MECOM: variants seen among roughly 807,000 people sequenced by gnomAD.
MECOM encodes MDS1 and EVI1 complex locus.
A neutral mutation model predicts 116.3 loss-of-function variants in MECOM; 13 were observed. The observed-to-expected ratio is 0.11, with a 90% CI of 0.07 to 0.18. The LOEUF is 0.18. Ranked by LOEUF, MECOM falls within the 10% of genes least tolerant of loss-of-function variation. MECOM has a pLI of 1.00. For missense variants in MECOM, 1,299 were observed against 1,509.0 expected, an observed-to-expected ratio of 0.86 and a Z score of 2.31; for synonymous variants, 528 against 535.2, an observed-to-expected ratio of 0.99 and a Z score of 0.19.
intron 1 of MECOM, among the ~76,000 whole-genome samples, chr3:169,597,116 T>C (rs568525297): frequency 6.6e-6 from 1 of 152,232 alleles, no homozygotes; most frequent in African/African-American, 2.4e-5. Flanking sequence ...CTCAATCTTA[T>C]CAAAGTGTAA....
intron 1 of MECOM, among the ~76,000 whole-genome samples, chr3:169,472,622 GA>G (rs1749667712): frequency 3.0e-5 from 2 of 65,896 alleles, no homozygotes; most frequent in African/African-American, 9.9e-5. Flanking sequence ...GGAAAGAAAA[GA>G]AAAGAAAAGA....
At chr3:169,467,008 T>C (rs1413014826) in intron 1 of MECOM, 3 of 152,240 alleles carry the variant, frequency 2.0e-5, no homozygotes, top group Non-Finnish European at 4.4e-5. Context: ...TAATCGTTAA[T>C]TGAGTTTCTT....
intron 2 of MECOM, among the ~76,000 whole-genome samples, chr3:169,297,790 A>T (rs1336111361): frequency 6.6e-6 from 1 of 152,236 alleles, no homozygotes; most frequent in Admixed American, 6.5e-5. Context: ...ATTCTTCCTC[A>T]TGGCAAATGT....
At chr3:169,261,519 T>A (rs893646431) in intron 2 of MECOM, among the ~76,000 whole-genome samples, 1 of 151,976 alleles carries the variant, frequency 6.6e-6, no homozygotes, top group Non-Finnish European at 1.5e-5. Flanking sequence ...GCCAACATGG[T>A]GAAACCCCGT....
At chr3:169,097,941 G>A (rs757011472) in intron 12 of MECOM, among the ~76,000 whole-genome samples, 1 of 149,268 alleles carries the variant, frequency 6.7e-6, no homozygotes, top group African/African-American at 2.5e-5. Context: ...ACTACATAAA[G>A]TATTAAAACC....
chr3:169,214,182 T>C (rs916415331), intron 2 of MECOM, among the ~76,000 whole-genome samples: 1 of 151,736 alleles, frequency 6.6e-6, no homozygotes, highest in African/African-American at 2.4e-5. Flanking sequence ...AAAGCCAACT[T>C]TTTTTTTAAA....
chr3:169,156,523 T>C, intron 2 of MECOM, among the ~76,000 whole-genome samples: 1 of 152,158 alleles, frequency 6.6e-6, no homozygotes, highest in East Asian at 1.9e-4. Flanking sequence ...TTTATTCAAA[T>C]TGAAAGCATT....
At chr3:169,394,290 A>G (rs1023145712) in intron 1 of MECOM, among the ~76,000 whole-genome samples, 1 of 152,240 alleles carries the variant, frequency 6.6e-6, no homozygotes. Context: ...TGCTGATTTC[A>G]AAGGACTTAC....
intron 1 of MECOM, among the ~76,000 whole-genome samples, chr3:169,461,009 C>T (rs1438137177): frequency 1.3e-5 from 2 of 152,134 alleles, no homozygotes; most frequent in African/African-American, 4.8e-5. Flanking sequence ...TGTTCCTTCT[C>T]AGCCAGTAAA....
chr3:169,563,204 C>T (rs1762857319), intron 1 of MECOM, among the ~76,000 whole-genome samples: 2 of 152,114 alleles, frequency 1.3e-5, no homozygotes. Context: ...AAGTCAGAAT[C>T]CTATGGTAAT....
intron 2 of MECOM, among the ~76,000 whole-genome samples, chr3:169,229,627 C>A (rs1377408931): frequency 6.6e-6 from 1 of 151,992 alleles, no homozygotes; most frequent in Non-Finnish European, 1.5e-5. Flanking sequence ...TGGCCCTGGT[C>A]CCCTCCTGCA....
chr3:169,198,141 A>T (rs765299006), intron 2 of MECOM, among the ~76,000 whole-genome samples: 1 of 152,054 alleles, frequency 6.6e-6, no homozygotes, highest in African/African-American at 2.4e-5. Context: ...TATGTAAACT[A>T]CTTATGATTC....
rs775379785 is a variant in MECOM, at chr3:169,116,399, G to A, written c.1473C>T (p.Phe491=). 4 of 1,614,198 alleles carry A rather than the reference G, an allele frequency of 2.5e-6. No individual in the cohort carries two copies. Among genetic ancestry groups the A allele is most frequent in the Middle Eastern group, 1.6e-4 (1 of 6,062 alleles). ...ACAAGCCGGAAGGAAACAGACCAGG[G>A]AAGCTAAAAGAAAATCCAGGAGCTG... ...FPTAPGFSFS[F]PGLFPSGLYH... Residue 491 remains phenylalanine (F), a synonymous_variant, in exon 8 of 17, where the codon TTC becomes TTT. Coordinates refer to ENST00000651503, the MANE Select transcript of MECOM (RefSeq NM_004991.4).
In MECOM at chr3:169,373,127, A is replaced by C. The variant is rs190945942; in HGVS notation, c.375+8060T>G. 2.8e-3 allele frequency among the ~76,000 whole-genome samples: 426 copies of C among 152,150 alleles called. 5 individuals are homozygous for C. Among genetic ancestry groups the C allele is most frequent in the Admixed American group, 0.017 (264 of 15,252 alleles). ...CTAATTATTTTCAAGTCCTTTAGAC[A>C]AGCACATTCCAAGTCTTTAAAGATC... On this transcript the variant is annotated intron_variant, in intron 2 of 16. Coordinates refer to ENST00000651503, the MANE Select transcript of MECOM (RefSeq NM_004991.4).
Position 169,268,123 on chromosome 3 carries a change from A to T in MECOM, c.375+113064T>A, listed in dbSNP as rs1417736633. 2.0e-5 allele frequency among the ~76,000 whole-genome samples: 3 copies of T among 152,254 alleles called. No individual in the cohort carries two copies. The East Asian group carries it at 5.8e-4, about 29-fold the overall frequency. ...ATCCAAACAATCTTTCTCCATCTAC[A>T]ATGTCCTTTACCAAGTTGAAACTAA... On this transcript the variant is annotated intron_variant, in intron 2 of 16. Coordinates refer to ENST00000651503, the MANE Select transcript of MECOM (RefSeq NM_004991.4).
chr3:169,180,663 C>A (rs9831645), intron 2 of MECOM, among the ~76,000 whole-genome samples: 35,924 of 150,736 alleles, frequency 0.24, 5,732 homozygotes, highest in African/African-American at 0.45. Flanking sequence ...ATTGGAGCTT[C>A]TTCACCTTCT....
chr3:169,173,200 A>T (rs1384916649), intron 2 of MECOM, among the ~76,000 whole-genome samples: 1 of 152,128 alleles, frequency 6.6e-6, no homozygotes, highest in Non-Finnish European at 1.5e-5. Flanking sequence ...CTTGTTTGGC[A>T]TTTATGACCC....
intron 2 of MECOM, among the ~76,000 whole-genome samples, chr3:169,290,897 GA>G (rs891499790): frequency 6.6e-6 from 1 of 151,966 alleles, no homozygotes; most frequent in Non-Finnish European, 1.5e-5. Flanking sequence ...TCATTCTCAT[GA>G]AAAAAATTGC....
intron 1 of MECOM, among the ~76,000 whole-genome samples, chr3:169,537,471 CAT>C (rs1759523894): frequency 6.6e-6 from 1 of 152,162 alleles, no homozygotes; most frequent in Non-Finnish European, 1.5e-5. Flanking sequence ...AAATCAGAGA[CAT>C]AAAAGTAGAT....
Sources: gnomAD v4.1 joint callset for allele counts (sites outside exome capture counted in the v4.1 genomes callset) on GRCh38, gnomAD v4.1.1 for gene constraint, MANE v1.5 for transcripts, NCBI Gene and HGNC (gene_info 2026-07-23, HGNC 2026-07-21) for gene names.